Variants in FBXL13 observed in about 807,000 individuals in gnomAD.
FBXL13 encodes F-box and leucine-rich repeat protein 13.
FBXL13 carries 67 observed loss-of-function variants against 83.6 expected under a neutral mutation model. That is an observed-to-expected ratio of 0.80 (90% confidence interval 0.66 to 0.98). The LOEUF (loss-of-function observed/expected upper bound fraction) is 0.98. FBXL13 is among the 50% of genes least tolerant of loss of function. The pLI is 0.00. For missense variants in FBXL13, 822 were observed against 866.5 expected, an observed-to-expected ratio of 0.95 and a Z score of 0.64; for synonymous variants, 272 against 299.5, an observed-to-expected ratio of 0.91 and a Z score of 0.95.
At chr7:103,010,802 A>G (rs1052647482) in intron 6 of FBXL13, among the ~76,000 whole-genome samples, 2 of 152,160 alleles carry the variant, frequency 1.3e-5, no homozygotes, top group Non-Finnish European at 2.9e-5. Context: ...GCACACAGAC[A>G]GAAGATTAGG....
intron 8 of FBXL13, chr7:102,944,226 C>T (rs762643799): frequency 3.7e-6 from 6 of 1,607,434 alleles, no homozygotes; most frequent in Non-Finnish European, 4.2e-6. Flanking sequence ...TTTTAGGGCT[C>T]ACACATTTAG....
chr7:102,892,917 A>G (rs1811719911), intron 11 of FBXL13, among the ~76,000 whole-genome samples: 1 of 152,218 alleles, frequency 6.6e-6, no homozygotes, highest in Admixed American at 6.5e-5. Flanking sequence ...GAGTATTTAC[A>G]CCATAGAATT....
At chr7:102,939,624 T>G in intron 8 of FBXL13, 1 of 1,551,236 alleles carries the variant, frequency 6.4e-7, no homozygotes, top group Non-Finnish European at 8.7e-7. Flanking sequence ...GGGTGGCAAG[T>G]GTTCTGTGAT....
intron 18 of FBXL13, among the ~76,000 whole-genome samples, chr7:102,831,198 C>T (rs1239849810): frequency 6.6e-6 from 1 of 152,120 alleles, no homozygotes; most frequent in Non-Finnish European, 1.5e-5. Context: ...TATCTCTGCA[C>T]TCAGCATTGA....
chr7:103,029,860 A>G (rs1278980059), intron 2 of FBXL13, among the ~76,000 whole-genome samples: 1 of 152,130 alleles, frequency 6.6e-6, no homozygotes, highest in Non-Finnish European at 1.5e-5. Context: ...CCAAGCAGGA[A>G]TAGGAAAACC....
intron 1 of FBXL13, among the ~76,000 whole-genome samples, chr7:103,068,333 G>T (rs557206470): frequency 1.8e-4 from 28 of 152,106 alleles, no homozygotes; most frequent in African/African-American, 6.5e-4. Context: ...AAGGAGGGAA[G>T]ATACATAGTT....
At chr7:102,951,263 T>C (rs1053416141) in intron 8 of FBXL13, among the ~76,000 whole-genome samples, 3 of 151,482 alleles carry the variant, frequency 2.0e-5, no homozygotes, top group Non-Finnish European at 2.9e-5. Flanking sequence ...GGTTAGGAGA[T>C]CAAGACCAGC....
intron 6 of FBXL13, among the ~76,000 whole-genome samples, chr7:103,018,263 C>T (rs1792629968): frequency 6.6e-6 from 1 of 152,120 alleles, no homozygotes; most frequent in Admixed American, 6.6e-5. Context: ...CCTTTACAGA[C>T]AAGCAAATAC....
intron 16 of FBXL13, among the ~76,000 whole-genome samples, chr7:102,864,426 T>C (rs1365702556): frequency 6.6e-6 from 1 of 151,866 alleles, no homozygotes; most frequent in Admixed American, 6.6e-5. Flanking sequence ...TGGAGTGCAA[T>C]GGTGCAATTT....
exon 3 of FBXL13, chr7:103,029,376 C>T (rs774439601): frequency 4.5e-6 from 7 of 1,545,562 alleles, no homozygotes; most frequent in Non-Finnish European, 6.1e-6. Context: ...ACTAAATGTC[C>T]AGTATAAAAG....
chr7:103,035,548 T>C (rs1267351565), intron 2 of FBXL13, among the ~76,000 whole-genome samples: 1 of 152,216 alleles, frequency 6.6e-6, no homozygotes, highest in African/African-American at 2.4e-5. Context: ...AAGTAGTAAT[T>C]GATCCCATTA....
intron 6 of FBXL13, among the ~76,000 whole-genome samples, chr7:102,994,485 T>C (rs1829893217): frequency 6.6e-6 from 1 of 152,058 alleles, no homozygotes; most frequent in Non-Finnish European, 1.5e-5. Flanking sequence ...AACCAGGTCC[T>C]GCCCTCAGTT....
chr7:102,995,527 G>A (rs1267755726), intron 6 of FBXL13, among the ~76,000 whole-genome samples: 3 of 142,670 alleles, frequency 2.1e-5, no homozygotes, highest in African/African-American at 5.2e-5. Context: ...AGTGGCTCAC[G>A]CCTGTAATCC....
intron 2 of FBXL13, among the ~76,000 whole-genome samples, chr7:103,033,166 TTTTG>T (rs1338246885): frequency 5.9e-5 from 9 of 152,140 alleles, no homozygotes; most frequent in Non-Finnish European, 8.8e-5. Flanking sequence ...TTTGTTTGTT[TTTTG>T]TTTTTGTTTT....
At chr7:103,017,871 G>C (rs895089333) in intron 6 of FBXL13, among the ~76,000 whole-genome samples, 1 of 152,328 alleles carries the variant, frequency 6.6e-6, no homozygotes, top group African/African-American at 2.4e-5. Flanking sequence ...GAAAGTGACA[G>C]GGAGAAGAAT....
At chr7:102,846,840 A>G (rs1804073059) in intron 17 of FBXL13, among the ~76,000 whole-genome samples, 1 of 152,188 alleles carries the variant, frequency 6.6e-6, no homozygotes, top group African/African-American at 2.4e-5. Flanking sequence ...TGCAGGGTAG[A>G]GAGCACAAAC....
chr7:102,821,840 G>A (rs1798843905), intron 19 of FBXL13, among the ~76,000 whole-genome samples, 200 bp downstream of exon 20: 2 of 152,098 alleles, frequency 1.3e-5, no homozygotes, highest in South Asian at 4.1e-4. Context: ...TAAAGTAAAA[G>A]GCCTACTGGA....
chr7:102,816,933 T>C (rs1418506031), intron 19 of FBXL13, among the ~76,000 whole-genome samples: 1 of 152,220 alleles, frequency 6.6e-6, no homozygotes, highest in East Asian at 1.9e-4. Context: ...GCAAAGGACA[T>C]GATTTCATTA....
intron 6 of FBXL13, among the ~76,000 whole-genome samples, chr7:102,980,167 T>C (rs572706443): frequency 6.6e-6 from 1 of 152,110 alleles, no homozygotes; most frequent in East Asian, 1.9e-4. Context: ...CAAAACAATT[T>C]TGAAAAAGAA....
Sources: allele counts gnomAD v4.1 joint callset (sites outside exome capture counted in the v4.1 genomes callset), GRCh38; gene constraint gnomAD v4.1.1; transcripts MANE v1.5; gene names NCBI Gene and HGNC (gene_info 2026-07-23, HGNC 2026-07-21).